Variants in DACH2 observed in about 807,000 individuals in gnomAD.
DACH2 encodes the protein dachshund homolog 2.
A neutral mutation model predicts 35.8 loss-of-function variants in DACH2; 17 were observed. The ratio of observed to expected loss-of-function variants is 0.48; its 90% CI spans 0.33 to 0.71. DACH2 has a LOEUF of 0.71. DACH2 is among the 30% of genes least tolerant of loss of function. DACH2 has a pLI of 0.02. For synonymous variants in DACH2, 195 were observed against 177.3 expected, an observed-to-expected ratio of 1.10 and a Z score of -0.79; for missense variants, 469 against 472.7, an observed-to-expected ratio of 0.99 and a Z score of 0.07.
intron 4 of DACH2, among the ~76,000 whole-genome samples, chrX:86,658,190 A>T (rs773832791): frequency 9.0e-6 from 1 of 111,668 alleles, no homozygotes; most frequent in Non-Finnish European, 1.9e-5. Context: ...GAAATTTCCA[A>T]ATTTATTGAC....
At chrX:86,637,452 T>A (rs1011216841) in intron 3 of DACH2, among the ~76,000 whole-genome samples, 1 of 110,373 alleles carries the variant, frequency 9.1e-6, no homozygotes. Flanking sequence ...CTATTCACAA[T>A]GGTAGAGACA....
intron 3 of DACH2, among the ~76,000 whole-genome samples, chrX:86,531,778 C>T (rs1486425910): frequency 8.9e-6 from 1 of 112,118 alleles, no homozygotes; most frequent in Non-Finnish European, 1.9e-5. Context: ...AGAAGAGGGC[C>T]ACCATCCTCC....
At chrX:86,245,094 A>C (rs2147945729) in intron 1 of DACH2, among the ~76,000 whole-genome samples, 1 of 112,477 alleles carries the variant, frequency 8.9e-6, no homozygotes, top group African/African-American at 3.2e-5. Flanking sequence ...ATAATGTGAT[A>C]AAACCAATAC....
In DACH2 at chrX:86,686,380, G is replaced by A. The variant is rs982783764; in HGVS notation, c.773-8641G>A. ...CCCGAGTAGCTGGGGCTACAGGTGC[G>A]CACCAACATGCCCAACTCATTTTTA... On this transcript the variant is annotated intron_variant, in intron 4 of 11. Transcript: ENST00000373125. Among the ~76,000 whole-genome samples the A allele has an allele frequency of 4.6e-5, 5 of 109,726 alleles. No individual in the cohort carries two copies. The East Asian group carries it at 8.7e-4, about 19-fold the overall frequency.
At chrX:86,354,922 CTTTTA>C (rs1185850612) in intron 1 of DACH2, among the ~76,000 whole-genome samples, 1 of 110,938 alleles carries the variant, frequency 9.0e-6, no homozygotes, top group Non-Finnish European at 1.9e-5. Context: ...CTCTTTCTAT[CTTTTA>C]TTTTATGTTT....
intron 1 of DACH2, among the ~76,000 whole-genome samples, chrX:86,151,434 G>A (rs377435657): frequency 9.0e-6 from 1 of 111,331 alleles, no homozygotes; most frequent in Non-Finnish European, 1.9e-5. Flanking sequence ...TGTGTTACAA[G>A]TATTGCAATT....
intron 2 of DACH2, among the ~76,000 whole-genome samples, chrX:86,510,108 C>T (rs926179446): frequency 2.7e-5 from 3 of 111,884 alleles, no homozygotes; most frequent in African/African-American, 6.5e-5. Context: ...TCAAGGACTG[C>T]TCATATGATT....
At chrX:86,821,578 C>T (rs2092513619) in intron 11 of DACH2, among the ~76,000 whole-genome samples, 1 of 111,479 alleles carries the variant, frequency 9.0e-6, no homozygotes, top group Non-Finnish European at 1.9e-5. Flanking sequence ...TTTATCCTGA[C>T]TGGTGGTACC....
At chrX:86,421,787 A>G (rs2036807024) in intron 2 of DACH2, among the ~76,000 whole-genome samples, 1 of 111,317 alleles carries the variant, frequency 9.0e-6, no homozygotes, top group Admixed American at 9.6e-5. Flanking sequence ...TGTTAGCTGG[A>G]GGGAGAAACT....
intron 3 of DACH2, 147 bp downstream of exon 3, chrX:86,514,538 A>G: frequency 3.8e-6 from 2 of 522,932 alleles, no homozygotes; most frequent in Non-Finnish European, 5.9e-6. Context: ...TGTGTTCGTG[A>G]AAACAAATTT....
At chrX:86,691,748 G>A (rs2148441785) in intron 4 of DACH2, among the ~76,000 whole-genome samples, 1 of 111,609 alleles carries the variant, frequency 9.0e-6, no homozygotes, top group East Asian at 2.8e-4. Context: ...CCAGAACTGT[G>A]AGAAACTAAA....
intron 1 of DACH2, among the ~76,000 whole-genome samples, chrX:86,321,229 G>A (rs57597484): frequency 0.013 from 1,485 of 111,417 alleles, 20 homozygotes; most frequent in African/African-American, 0.046. Context: ...TTATTATTAG[G>A]TGCAGAGGAC....
intron 2 of DACH2, among the ~76,000 whole-genome samples, chrX:86,382,895 G>A (rs1254045247): frequency 9.0e-6 from 1 of 110,547 alleles, no homozygotes; most frequent in African/African-American, 3.3e-5. Flanking sequence ...AAGTTGCTTT[G>A]GGCCTGTTTG....
At chrX:86,323,239 C>T (rs1349452077) in intron 1 of DACH2, among the ~76,000 whole-genome samples, 1 of 112,331 alleles carries the variant, frequency 8.9e-6, no homozygotes, top group Non-Finnish European at 1.9e-5. Context: ...TACTTCGCCT[C>T]ACAGAGGGAC....
chrX:86,265,361 T>TA (rs2033693607), intron 1 of DACH2, among the ~76,000 whole-genome samples: 1 of 111,771 alleles, frequency 8.9e-6, no homozygotes, highest in African/African-American at 3.2e-5. Flanking sequence ...AAAGGCTTGT[T>TA]ACCACTTTTT....
At chrX:86,494,300 C>T (rs1428922825) in intron 2 of DACH2, among the ~76,000 whole-genome samples, 4 of 111,958 alleles carry the variant, frequency 3.6e-5, no homozygotes, top group Non-Finnish European at 7.5e-5. Flanking sequence ...TTTATAATTG[C>T]TTCTAAATGA....
intron 2 of DACH2, among the ~76,000 whole-genome samples, chrX:86,468,714 A>G (rs2037713347): frequency 8.9e-6 from 1 of 111,853 alleles, no homozygotes; most frequent in Non-Finnish European, 1.9e-5. Context: ...TCTTTTCAGC[A>G]TATTAAAGAC....
chrX:86,189,660 A>G, intron 1 of DACH2, among the ~76,000 whole-genome samples: 1 of 111,546 alleles, frequency 9.0e-6, no homozygotes, highest in African/African-American at 3.3e-5. Context: ...AGGCTATGGT[A>G]CAAAAATTGA....
At chrX:86,486,836 A>G (rs2038025533) in intron 2 of DACH2, among the ~76,000 whole-genome samples, 1 of 112,012 alleles carries the variant, frequency 8.9e-6, no homozygotes, top group Non-Finnish European at 1.9e-5. Context: ...TAGAGAATTA[A>G]GTTGATGTGA....
Sources: allele counts gnomAD v4.1 joint callset (sites outside exome capture counted in the v4.1 genomes callset), GRCh38; gene constraint gnomAD v4.1.1; transcripts MANE v1.5; gene names NCBI Gene and HGNC (gene_info 2026-07-23, HGNC 2026-07-21).